CDH13: variants seen among roughly 807,000 people sequenced by gnomAD.
CDH13 encodes cadherin 13.
In CDH13, 24 loss-of-function variants were observed where a neutral mutation model predicts 63.8. The observed-to-expected ratio is 0.38, with a 90% CI of 0.27 to 0.53. CDH13 has a LOEUF of 0.53. Among genes scored for constraint, CDH13 ranks in the 20% least tolerant of loss-of-function variants. The pLI, the probability that CDH13 is intolerant of heterozygous loss-of-function variation, is 0.85. For synonymous variants in CDH13, 503 were observed against 355.3 expected, an observed-to-expected ratio of 1.42 and a Z score of -4.67; for missense variants, 1,049 against 903.1, an observed-to-expected ratio of 1.16 and a Z score of -2.07.
At chr16:83,443,606 C>G (rs1415751701) in intron 6 of CDH13, among the ~76,000 whole-genome samples, 1 of 150,734 alleles carries the variant, frequency 6.6e-6, no homozygotes, top group Non-Finnish European at 1.5e-5. Flanking sequence ...GCTGGTGGTT[C>G]ACACCTGTAA....
chr16:83,618,056 A>G (rs1216273657), intron 8 of CDH13, among the ~76,000 whole-genome samples: 1 of 152,190 alleles, frequency 6.6e-6, no homozygotes, highest in Non-Finnish European at 1.5e-5. Flanking sequence ...GCATGATCAA[A>G]TAACTGATGA....
chr16:83,419,720 C>G (rs1013196966), intron 6 of CDH13, among the ~76,000 whole-genome samples: 25 of 152,154 alleles, frequency 1.6e-4, no homozygotes, highest in African/African-American at 6.0e-4. Context: ...CAAGGCATTC[C>G]CATAAGTGTA....
At chr16:83,002,771 T>C (rs72794158) in intron 2 of CDH13, among the ~76,000 whole-genome samples, 24,701 of 151,914 alleles carry the variant, frequency 0.16, 2,418 homozygotes, top group African/African-American at 0.26. Context: ...CGTGTAGGTA[T>C]GTGGAGGAAA....
intron 10 of CDH13, chr16:83,735,724 TC>T (rs1911479263): frequency 6.6e-6 from 1 of 152,204 alleles, no homozygotes; most frequent in South Asian, 2.1e-4. Flanking sequence ...GACTGGTGCA[TC>T]TTTGGGATGG....
At chr16:83,532,774 G>A (rs190997870) in intron 7 of CDH13, among the ~76,000 whole-genome samples, 1 of 152,282 alleles carries the variant, frequency 6.6e-6, no homozygotes, top group African/African-American at 2.4e-5. Context: ...CTCTCCCTCT[G>A]TCCCTTTGCA....
intron 2 of CDH13, among the ~76,000 whole-genome samples, chr16:82,967,620 G>A (rs147688930): frequency 0.018 from 2,788 of 152,314 alleles, 42 homozygotes; most frequent in Non-Finnish European, 0.029. Flanking sequence ...CTACTGGAGT[G>A]ATGGCAAGGC....
intron 6 of CDH13, among the ~76,000 whole-genome samples, chr16:83,368,682 C>T (rs776802358): frequency 6.6e-6 from 1 of 151,228 alleles, no homozygotes; most frequent in African/African-American, 2.4e-5. Flanking sequence ...CCAACCCTTT[C>T]CCCAAGTCCC....
chr16:83,549,113 C>T (rs1282449205), intron 7 of CDH13, among the ~76,000 whole-genome samples: 1 of 152,114 alleles, frequency 6.6e-6, no homozygotes, highest in Non-Finnish European at 1.5e-5. Context: ...CTGGTGAGAG[C>T]CACGCTGAAT....
chr16:82,734,325 G>GA (rs371794976), intron 1 of CDH13, among the ~76,000 whole-genome samples: 123 of 150,270 alleles, frequency 8.2e-4, no homozygotes, highest in South Asian at 5.0e-3. Context: ...GCCTTTTATA[G>GA]AAAAAAAAAA....
chr16:83,579,290 T>G (rs545926906), intron 7 of CDH13, among the ~76,000 whole-genome samples: 6 of 152,292 alleles, frequency 3.9e-5, no homozygotes, highest in Non-Finnish European at 7.4e-5. Flanking sequence ...TGTCATTGTG[T>G]TAGTTCTCAT....
At chr16:83,242,253 G>A (rs1904532797) in intron 5 of CDH13, among the ~76,000 whole-genome samples, 1 of 152,290 alleles carries the variant, frequency 6.6e-6, no homozygotes, top group African/African-American at 2.4e-5. Flanking sequence ...TTCTAAAACA[G>A]GAAGTACGAG....
At chr16:83,700,581 C>A (rs1182848390) in intron 10 of CDH13, among the ~76,000 whole-genome samples, 2 of 152,140 alleles carry the variant, frequency 1.3e-5, no homozygotes, top group Non-Finnish European at 2.9e-5. Context: ...TAAAAAGTTG[C>A]AACAGGTGTA....
chr16:83,765,787 T>A (rs960124722), intron 11 of CDH13, among the ~76,000 whole-genome samples: 1 of 151,928 alleles, frequency 6.6e-6, no homozygotes, highest in Non-Finnish European at 1.5e-5. Context: ...CTTTCTTTTT[T>A]TTTTTCTATT....
At chr16:83,423,595 A>G (rs1462686845) in intron 6 of CDH13, among the ~76,000 whole-genome samples, 1 of 152,246 alleles carries the variant, frequency 6.6e-6, no homozygotes, top group East Asian at 1.9e-4. Flanking sequence ...ATTATTACCT[A>G]GGCACACCTA....
intron 6 of CDH13, among the ~76,000 whole-genome samples, chr16:83,434,984 A>AAT (rs34092245): frequency 0.13 from 18,139 of 144,128 alleles, 1,454 homozygotes; most frequent in Middle Eastern, 0.18. Context: ...TAAATAAATA[A>AAT]ATATATATAT....
chr16:83,132,703 C>G (rs747643087), intron 4 of CDH13, among the ~76,000 whole-genome samples: 27 of 152,110 alleles, frequency 1.8e-4, no homozygotes, highest in Non-Finnish European at 3.4e-4. Flanking sequence ...GTGGGGATTA[C>G]AAGCATGAGC....
At chr16:83,692,139 C>G (rs369109830) in intron 10 of CDH13, among the ~76,000 whole-genome samples, 1 of 152,214 alleles carries the variant, frequency 6.6e-6, no homozygotes, top group Non-Finnish European at 1.5e-5. Context: ...TGTGCAATTA[C>G]CAGACCCAAT....
chr16:82,925,557 C>T lies in CDH13; in HGVS notation c.157+67084C>T, dbSNP rs528832189. 3.2e-4 allele frequency among the ~76,000 whole-genome samples: 49 copies of T among 152,264 alleles called. 1 individual carries two copies. In the South Asian group the frequency reaches 8.7e-3, roughly 27 times the overall value. On this transcript the variant is annotated intron_variant, in intron 2 of 13. Coordinates refer to ENST00000567109, the MANE Select transcript of CDH13 (RefSeq NM_001257.5). ...AGAGGAGGTTGACAAAGTGAGTATT[C>T]GTGTCCCCAGCCATTGTGGCAGATG...
chr16:83,044,680 G>A (rs139722902), intron 3 of CDH13, among the ~76,000 whole-genome samples: 74 of 152,302 alleles, frequency 4.9e-4, no homozygotes, highest in Admixed American at 1.5e-3. Context: ...AACAATGCCT[G>A]GATGCAGATG....
Sources: allele counts gnomAD v4.1 joint callset (sites outside exome capture counted in the v4.1 genomes callset), GRCh38; gene constraint gnomAD v4.1.1; transcripts MANE v1.5; gene names NCBI Gene and HGNC (gene_info 2026-07-23, HGNC 2026-07-21).